The following NLGN1 variants were observed in gnomAD, a reference collection of about 807,000 sequenced individuals.
NLGN1 encodes the protein neuroligin 1, also known as neuroligin-1.
Under a neutral mutation model 65.5 loss-of-function variants are expected in NLGN1, and 12 were observed. That is an observed-to-expected ratio of 0.18 (90% CI 0.12 to 0.30). The LOEUF (loss-of-function observed/expected upper bound fraction) is 0.30. NLGN1 is among the 10% of genes least tolerant of loss of function. NLGN1 has a pLI of 1.00. For missense variants in NLGN1, 750 were observed against 1,007.1 expected (o/e 0.74, Z 3.46); for synonymous variants, 350 against 359.5 (o/e 0.97, Z 0.30).
chr3:173,903,050 A>G (rs892761188), intron 4 of NLGN1, among the ~76,000 whole-genome samples: 2 of 152,156 alleles, frequency 1.3e-5, no homozygotes, highest in Non-Finnish European at 2.9e-5. Context: ...ATGCAGATGA[A>G]TAGCACTGTA....
chr3:173,570,379 A>G (rs1744453047), intron 2 of NLGN1, among the ~76,000 whole-genome samples: 1 of 152,204 alleles, frequency 6.6e-6, no homozygotes. Context: ...ATTGCTGGGC[A>G]GGAAGGGAAG....
chr3:173,576,646 A>G (rs1379605438), intron 2 of NLGN1, among the ~76,000 whole-genome samples: 1 of 152,064 alleles, frequency 6.6e-6, no homozygotes, highest in African/African-American at 2.4e-5. Flanking sequence ...TCCTCTAATA[A>G]AAACCCTTGT....
At chr3:173,862,591 G>T (rs932499084) in intron 4 of NLGN1, among the ~76,000 whole-genome samples, 22 of 147,530 alleles carry the variant, frequency 1.5e-4, no homozygotes, top group Non-Finnish European at 3.1e-4. Context: ...TGTAAAAATA[G>T]AGGGTACGCA....
intron 3 of NLGN1, among the ~76,000 whole-genome samples, chr3:173,769,629 C>T (rs1437591002): frequency 6.6e-6 from 1 of 152,118 alleles, no homozygotes; most frequent in Admixed American, 6.6e-5. Context: ...TTATTTATGC[C>T]AATTCATCCA....
chr3:173,710,746 G>T (rs1347644478), intron 3 of NLGN1, among the ~76,000 whole-genome samples: 6 of 152,134 alleles, frequency 3.9e-5, no homozygotes, highest in African/African-American at 1.4e-4. Context: ...ACACTTTGGA[G>T]GCAATGCATA....
At chr3:173,410,403 G>A (rs1022504750) in intron 1 of NLGN1, among the ~76,000 whole-genome samples, 2 of 152,202 alleles carry the variant, frequency 1.3e-5, no homozygotes, top group Non-Finnish European at 2.9e-5. Flanking sequence ...TAGGCACAAT[G>A]GAGAAGGCAA....
intron 4 of NLGN1, among the ~76,000 whole-genome samples, chr3:173,941,008 G>A (rs576548690): frequency 1.2e-4 from 18 of 152,082 alleles, no homozygotes; most frequent in Non-Finnish European, 2.2e-4. Context: ...TAAATGTTAC[G>A]CTTGGTACAG....
intron 4 of NLGN1, among the ~76,000 whole-genome samples, chr3:173,962,232 T>C (rs949604228): frequency 6.6e-6 from 1 of 152,144 alleles, no homozygotes; most frequent in African/African-American, 2.4e-5. Context: ...GAGTTAAGCT[T>C]AGCCTGCATA....
At chr3:173,744,852 T>A (rs551669320) in intron 3 of NLGN1, among the ~76,000 whole-genome samples, 36 of 152,186 alleles carry the variant, frequency 2.4e-4, no homozygotes, top group Middle Eastern at 3.4e-3. Flanking sequence ...ACATCTTTGT[T>A]GCTCTGCTGG....
Position 173,901,996 on chromosome 3 carries a change from T to G in NLGN1, c.646+94164T>G, listed in dbSNP as rs535261309. 3.9e-5 allele frequency among the ~76,000 whole-genome samples: 6 copies of G among 152,288 alleles called. No homozygotes were observed. The South Asian group carries it at 1.2e-3, about 32-fold the overall frequency. ...TATTAAAACTGACTATTGGATCTTCTGATGTGGATTTTATTATTAGTACTT... is the reference window on the plus strand; with the variant it reads ...TATTAAAACTGACTATTGGATCTTCGGATGTGGATTTTATTATTAGTACTT... On this transcript the variant is annotated intron_variant, in intron 4 of 6. Transcript: ENST00000457714.
At chr3:174,257,857 A>T (rs932635502) in intron 4 of NLGN1, among the ~76,000 whole-genome samples, 31 of 151,326 alleles carry the variant, frequency 2.0e-4, no homozygotes, top group African/African-American at 7.5e-4. Context: ...TGAAGGATAC[A>T]AAGTATTGAT....
chr3:173,650,658 A>G (rs1361347903), intron 3 of NLGN1, among the ~76,000 whole-genome samples: 1 of 152,178 alleles, frequency 6.6e-6, no homozygotes, highest in Non-Finnish European at 1.5e-5. Context: ...TGTGGTGAGT[A>G]ATGTTAGGTT....
chr3:173,458,927 A>C (rs1209792341), intron 2 of NLGN1, among the ~76,000 whole-genome samples: 1 of 152,084 alleles, frequency 6.6e-6, no homozygotes, highest in Non-Finnish European at 1.5e-5. Flanking sequence ...CTAAGGAAGA[A>C]GCACCCTTTG....
intron 3 of NLGN1, among the ~76,000 whole-genome samples, chr3:173,648,474 T>C (rs1758625585): frequency 6.6e-6 from 1 of 152,136 alleles, no homozygotes; most frequent in South Asian, 2.1e-4. Flanking sequence ...ACCAAGTTAG[T>C]GGAGGGTGTG....
chr3:174,270,139 T>C (rs1191055846), intron 4 of NLGN1, among the ~76,000 whole-genome samples: 1 of 144,320 alleles, frequency 6.9e-6, no homozygotes, highest in East Asian at 2.0e-4. Flanking sequence ...TTTTTTTTTT[T>C]TTGATGTGCA....
At chr3:174,174,494 T>G (rs186728531) in intron 4 of NLGN1, among the ~76,000 whole-genome samples, 1 of 152,052 alleles carries the variant, frequency 6.6e-6, no homozygotes, top group Admixed American at 6.6e-5. Context: ...ATTTTATTAT[T>G]ATTATTATTT....
At chr3:173,966,627 C>G (rs549054759) in intron 4 of NLGN1, among the ~76,000 whole-genome samples, 2 of 152,304 alleles carry the variant, frequency 1.3e-5, no homozygotes, top group South Asian at 4.1e-4. Context: ...GATTGCCAGA[C>G]TTAGTGATAA....
At chr3:173,565,936 A>T (rs1743585661) in intron 2 of NLGN1, among the ~76,000 whole-genome samples, 1 of 152,212 alleles carries the variant, frequency 6.6e-6, no homozygotes, top group South Asian at 2.1e-4. Flanking sequence ...AATTCAGAGG[A>T]TTGAACCAAT....
At chr3:173,983,857 T>A (rs1719308228) in intron 4 of NLGN1, among the ~76,000 whole-genome samples, 1 of 152,200 alleles carries the variant, frequency 6.6e-6, no homozygotes, top group Non-Finnish European at 1.5e-5. Flanking sequence ...TGTCTGTCAC[T>A]TTTTACTAAA....
Sources: gnomAD v4.1 joint callset for allele counts (sites outside exome capture counted in the v4.1 genomes callset) on GRCh38, gnomAD v4.1.1 for gene constraint, MANE v1.5 for transcripts, NCBI Gene and HGNC (gene_info 2026-07-23, HGNC 2026-07-21) for gene names.